FANCA: variants seen among roughly 807,000 people sequenced by gnomAD.
FANCA encodes Fanconi anemia group A protein.
Under a neutral mutation model 194.3 loss-of-function variants are expected in FANCA, and 236 were observed. That is an observed-to-expected ratio of 1.21 (90% confidence interval 1.09 to 1.35). The LOEUF (loss-of-function observed/expected upper bound fraction) is 1.35. Ranked by LOEUF, FANCA falls within the 40% of genes most tolerant of loss-of-function variation. FANCA has a pLI of 0.00. For missense variants in FANCA, 2,628 were observed against 1,813.9 expected (o/e 1.45, Z -8.15); for synonymous variants, 1,014 against 715.8 (o/e 1.42, Z -6.65).
rs544923702 is a variant in FANCA, at chr16:89,771,708, G to C, written c.2121C>G (p.Asn707Lys). Residue 707 changes from asparagine (N) to lysine (K), a missense_variant, in exon 23 of 43, where the codon AAC (asparagine) becomes AAG (lysine). Transcript: ENST00000389301. ...GTTCCCGTGGCTCCAGTCTCGGCGT[G>C]TTGATGCTGAGCTGAATCTTTGATA... The part of the protein sequence containing the change: ...VEISKIQLSI[N>K]TPRLEPREHM... The C allele has an allele frequency of 4.3e-6, 7 of 1,614,194 alleles. No homozygotes were observed. Among genetic ancestry groups the C allele is most frequent in the Admixed American group, 1.7e-5 (1 of 60,016 alleles).
At chr16:89,790,661 G>A (rs559601205) in intron 14 of FANCA, among the ~76,000 whole-genome samples, 45 of 151,844 alleles carry the variant, frequency 3.0e-4, no homozygotes, top group East Asian at 1.9e-4. Context: ...ACGGGGCAGC[G>A]GAGTTTGCAG....
intron 6 of FANCA, among the ~76,000 whole-genome samples, chr16:89,807,320 G>T (rs1382272486): frequency 3.3e-5 from 5 of 151,842 alleles, no homozygotes; most frequent in African/African-American, 9.7e-5. Context: ...AGCCGGGTGT[G>T]GTGGCACGCG....
intron 8 of FANCA, among the ~76,000 whole-genome samples, chr16:89,800,126 T>G (rs1156305494): frequency 1.3e-5 from 2 of 152,366 alleles, no homozygotes; most frequent in African/African-American, 4.8e-5. Context: ...ACCCTAAGAC[T>G]GCTCTCAGCA....
intron 11 of FANCA, among the ~76,000 whole-genome samples, chr16:89,795,653 A>G (rs912842130): frequency 6.6e-6 from 1 of 152,206 alleles, no homozygotes; most frequent in African/African-American, 2.4e-5. Flanking sequence ...AACAAACAAA[A>G]AAGATATTTC....
intron 21 of FANCA, 68 bp downstream of exon 21, chr16:89,775,674 C>A (rs894964143): frequency 7.6e-7 from 1 of 1,323,590 alleles, no homozygotes. Flanking sequence ...TGTAGCACAA[C>A]AGACACTCAA....
intron 14 of FANCA, among the ~76,000 whole-genome samples, chr16:89,790,739 CAAA>C (rs760772909): frequency 7.4e-6 from 1 of 134,982 alleles, no homozygotes. Context: ...GACTCCATCT[CAAA>C]AAAAAAAAAA....
rs187574289 is a variant in FANCA at position 89,759,242 on chromosome 16, C to A, written c.2853-537G>T. Among the ~76,000 whole-genome samples, 369 of 139,826 alleles carry A rather than the reference C, an allele frequency of 2.6e-3. 4 individuals carry two copies. The highest frequency in any genetic ancestry group is 8.9e-3 in the African/African-American group (338 of 37,874). The allele number at this position is 139,826 out of a possible 152,430, so 91.7% of individuals were successfully genotyped here. ...GGCTGAGGCAGGAGAATGGTATGAA[C>A]CTGGGAGGTGGAGCTTGCAGTGAGC... On this transcript the variant is annotated intron_variant, in intron 29 of 42. Transcript: ENST00000389301.
chr16:89,752,125 C>T lies in FANCA; in HGVS notation c.3066+13G>A. On this transcript the variant is annotated intron_variant, in intron 31 of 42. Transcript: ENST00000389301. ...GAAGTGAATGCACTGAGTTGTGGCA[C>T]CCTCAAACTCACCTGCAATCTGGAA... The T allele has an allele frequency of 6.2e-7, 1 of 1,610,868 alleles. No individual in the cohort carries two copies. Among genetic ancestry groups the T allele is most frequent in the Non-Finnish European group, 8.5e-7 (1 of 1,177,062 alleles).
chr16:89,816,458 G>T, intron 1 of FANCA, 79 bp downstream of exon 1: 1 of 1,300,728 alleles, frequency 7.7e-7, no homozygotes, highest in Non-Finnish European at 1.0e-6. Flanking sequence ...GGAGGCTCTG[G>T]CGGGAAGGGA....
At chr16:89,773,214 A>C (rs1329518713) in intron 22 of FANCA, 57 bp downstream of exon 22, 2 of 1,361,150 alleles carry the variant, frequency 1.5e-6, no homozygotes, top group African/African-American at 2.9e-5. Context: ...CCAGCCACAG[A>C]GCTCCAACCA....
At chr16:89,816,382 C>T (rs2041126472) in intron 1 of FANCA, 155 bp downstream of exon 1, 3 of 506,382 alleles carry the variant, frequency 5.9e-6, no homozygotes. Context: ...GAGGCAGCCG[C>T]GCCGCCCCAG....
In FANCA at chr16:89,752,144, T is replaced by C. The variant is rs1176089066; in HGVS notation, c.3060A>G (p.Arg1020=). The change falls in exon 31 of 43, where the codon AGA becomes AGG. Residue 1020 remains arginine (R), a synonymous_variant. Transcript: ENST00000389301. ...GTGGCACCCTCAAACTCACCTGCAA[T>C]CTGGAAATAATATCCTCATTTCCTG... ...GRTGNEDIIS[R]LQEMVADLEL... 1.2e-6 allele frequency: 2 copies of C among 1,613,940 alleles called. No homozygotes were observed. The highest frequency in any genetic ancestry group is 2.2e-5 in the South Asian group (2 of 91,078).
chr16:89,797,947 T>C (rs1445724816), intron 10 of FANCA, among the ~76,000 whole-genome samples: 1 of 152,010 alleles, frequency 6.6e-6, no homozygotes, highest in Non-Finnish European at 1.5e-5. Context: ...AATATAAAAA[T>C]CGGCAGGTCA....
rs968652405 is a variant in FANCA, at chr16:89,738,483, C to T, written c.*118G>A. 12 of 1,501,270 alleles carry T rather than the reference C, an allele frequency of 8.0e-6. No individual in the cohort carries two copies. The African/African-American group carries it at 1.1e-4, about 14-fold the overall frequency. 93.0% of individuals were successfully genotyped at this position (1,501,270 alleles called of 1,614,324 possible). On this transcript the variant is annotated 3_prime_UTR_variant, in exon 43 of 43. Transcript: ENST00000389301. ...AGTTCATAAATAATTGATTCCTTTC[C>T]CCACTAAAGCAGTCGAGGAGATTTG...
intron 22 of FANCA, among the ~76,000 whole-genome samples, chr16:89,772,379 G>A (rs575430978): frequency 5.9e-5 from 9 of 152,360 alleles, no homozygotes; most frequent in African/African-American, 1.4e-4. Flanking sequence ...AGTGAAGACC[G>A]CCAAGGCGCT....
At chr16:89,815,759 G>C (rs534089268) in intron 2 of FANCA, 118 bp downstream of exon 2, 2 of 842,390 alleles carry the variant, frequency 2.4e-6, no homozygotes, top group East Asian at 4.9e-5. Flanking sequence ...CCTCCCCTCT[G>C]CGGGCCAGGC....
intron 1 of FANCA, chr16:89,816,268 C>A (rs1188950689): frequency 2.7e-5 from 8 of 294,930 alleles, no homozygotes; most frequent in Non-Finnish European, 5.0e-5. Context: ...GCACCCCAGG[C>A]CCGCCTGACA....
chr16:89,780,396 C>T (rs1476809872), intron 17 of FANCA, among the ~76,000 whole-genome samples: 1 of 152,116 alleles, frequency 6.6e-6, no homozygotes, highest in Non-Finnish European at 1.5e-5. Context: ...CTAAGCGGGG[C>T]AGACTGCTTA....
At chr16:89,775,839 A>G in intron 20 of FANCA, 24 bp from the exon 21 acceptor site, 2 of 1,539,412 alleles carry the variant, frequency 1.3e-6, no homozygotes, top group Non-Finnish European at 1.8e-6. Context: ...AAACAATACA[A>G]TTAAGTCAGC....
Sources: gnomAD v4.1 joint callset for allele counts (sites outside exome capture counted in the v4.1 genomes callset) on GRCh38, gnomAD v4.1.1 for gene constraint, MANE v1.5 for transcripts, NCBI Gene and HGNC (gene_info 2026-07-23, HGNC 2026-07-21) for gene names.